The following ASIC2 variants were observed in gnomAD, a reference collection of about 807,000 sequenced individuals.
ASIC2 encodes acid-sensing ion channel 2.
Under a neutral mutation model 57.3 loss-of-function variants are expected in ASIC2, and 25 were observed. The observed-to-expected ratio is 0.44, with a 90% CI of 0.32 to 0.61. The LOEUF is 0.61. ASIC2 is among the 20% of genes least tolerant of loss of function. The pLI is 0.06. For missense variants in ASIC2, 641 were observed against 738.1 expected (o/e 0.87, Z 1.52); for synonymous variants, 319 against 307.5 (o/e 1.04, Z -0.39).
At chr17:34,105,616 C>T (rs1246338144) in intron 1 of ASIC2, among the ~76,000 whole-genome samples, 1 of 151,000 alleles carries the variant, frequency 6.6e-6, no homozygotes, top group Non-Finnish European at 1.5e-5. Flanking sequence ...TAGCTTCATC[C>T]CTTGCTTGTT....
At chr17:33,882,520 C>T (rs1373207714) in intron 1 of ASIC2, among the ~76,000 whole-genome samples, 3 of 152,126 alleles carry the variant, frequency 2.0e-5, no homozygotes, top group African/African-American at 4.8e-5. Context: ...ATGCTCATCA[C>T]CACTGGCCAT....
intron 1 of ASIC2, among the ~76,000 whole-genome samples, chr17:33,320,057 T>C (rs1025024266): frequency 6.6e-6 from 1 of 152,060 alleles, no homozygotes; most frequent in Non-Finnish European, 1.5e-5. Flanking sequence ...ATGAGTCTAA[T>C]AAGGAGCTCG....
intron 1 of ASIC2, among the ~76,000 whole-genome samples, chr17:33,480,964 G>A (rs907085313): frequency 6.6e-5 from 10 of 152,098 alleles, no homozygotes; most frequent in African/African-American, 2.4e-4. Flanking sequence ...AAGATGCTCA[G>A]TTCTTGACCT....
intron 1 of ASIC2, among the ~76,000 whole-genome samples, chr17:33,723,657 A>G (rs543509554): frequency 6.6e-6 from 1 of 152,212 alleles, no homozygotes; most frequent in Non-Finnish European, 1.5e-5. Context: ...TAAGGTTAAA[A>G]ACAGGCAGAA....
chr17:33,608,372 A>G (rs1007954866), intron 1 of ASIC2, among the ~76,000 whole-genome samples: 2 of 152,116 alleles, frequency 1.3e-5, no homozygotes, highest in African/African-American at 4.8e-5. Context: ...TAAGGCCTAG[A>G]GTTCATATAA....
At chr17:33,194,491 C>G (rs775952658) in intron 1 of ASIC2, among the ~76,000 whole-genome samples, 3 of 152,202 alleles carry the variant, frequency 2.0e-5, no homozygotes, top group African/African-American at 7.2e-5. Context: ...AGGAAAAATA[C>G]AGCACCTGTG....
chr17:33,573,913 C>T (rs1449851011), intron 1 of ASIC2, among the ~76,000 whole-genome samples: 1 of 152,138 alleles, frequency 6.6e-6, no homozygotes, highest in Non-Finnish European at 1.5e-5. Context: ...CTTCAGAATC[C>T]ACTGTAACTT....
chr17:34,076,276 A>AT (rs1241402230), intron 1 of ASIC2, among the ~76,000 whole-genome samples: 1 of 152,120 alleles, frequency 6.6e-6, no homozygotes, highest in Non-Finnish European at 1.5e-5. Context: ...AAGTGCTGGG[A>AT]TTACAGCTGT....
chr17:33,404,340 C>A (rs1910391705), intron 1 of ASIC2, among the ~76,000 whole-genome samples: 1 of 152,080 alleles, frequency 6.6e-6, no homozygotes, highest in Admixed American at 6.5e-5. Flanking sequence ...AATTGTATCT[C>A]AATAAAGCCG....
chr17:34,072,390 T>A (rs1035731713), intron 1 of ASIC2: 1 of 152,172 alleles, frequency 6.6e-6, no homozygotes, highest in Non-Finnish European at 1.5e-5. Context: ...TGAAGAAGGC[T>A]GTATTTCCCC....
chr17:33,908,076 T>C (rs1392114399), intron 1 of ASIC2, among the ~76,000 whole-genome samples: 28 of 152,214 alleles, frequency 1.8e-4, no homozygotes, highest in Admixed American at 1.8e-3. Context: ...CCCATTATCT[T>C]ATTTCCTCCT....
chr17:33,594,101 C>T (rs759515949), intron 1 of ASIC2, among the ~76,000 whole-genome samples: 12 of 152,350 alleles, frequency 7.9e-5, no homozygotes, highest in East Asian at 1.9e-4. Flanking sequence ...TCTTAGCTCG[C>T]GTTTCCTACA....
intron 1 of ASIC2, among the ~76,000 whole-genome samples, chr17:33,956,613 C>T (rs1162476310): frequency 6.6e-6 from 1 of 152,188 alleles, no homozygotes; most frequent in Non-Finnish European, 1.5e-5. Flanking sequence ...ACCAGGGAGA[C>T]ATTTCTCAGC....
intron 1 of ASIC2, among the ~76,000 whole-genome samples, chr17:33,902,333 G>A (rs368866947): frequency 6.6e-6 from 1 of 152,140 alleles, no homozygotes; most frequent in African/African-American, 2.4e-5. Flanking sequence ...AACCAACAGA[G>A]CACCTAGAAG....
intron 1 of ASIC2, among the ~76,000 whole-genome samples, chr17:33,951,499 C>T (rs565701733): frequency 1.3e-5 from 2 of 152,270 alleles, no homozygotes; most frequent in South Asian, 4.2e-4. Flanking sequence ...GAAAGCAGGG[C>T]CACTGAGATG....
intron 1 of ASIC2, among the ~76,000 whole-genome samples, chr17:33,488,739 C>T (rs886699066): frequency 6.6e-6 from 1 of 152,174 alleles, no homozygotes; most frequent in African/African-American, 2.4e-5. Flanking sequence ...GCCTTTAGCT[C>T]AGAACAGCCC....
rs774620304 is a variant in ASIC2 at position 33,013,774 on chromosome 17, G to A, written c.*191C>T. Reference sequence around the variant, plus strand: ...CTCATCTCTCCTAAGAGGGACGCACGGCGGGGCCCAAGGATGCGTCGTGTT... The same window carrying A: ...CTCATCTCTCCTAAGAGGGACGCACAGCGGGGCCCAAGGATGCGTCGTGTT... On this transcript the variant is annotated 3_prime_UTR_variant, in exon 10 of 10. Transcript: ENST00000225823. 8.3e-5 allele frequency: 51 copies of A among 614,230 alleles called. No individual in the cohort carries two copies. The highest frequency in any genetic ancestry group is 1.3e-4 in the Non-Finnish European group (45 of 341,668). 38.0% of individuals were successfully genotyped at this position (614,230 alleles called of 1,614,324 possible).
rs532438965 is a variant in ASIC2 at position 33,383,816 on chromosome 17, T to C, written c.556-271749A>G. Among the ~76,000 whole-genome samples the C allele has an allele frequency of 2.0e-5, 3 of 152,280 alleles. No individual in the cohort carries two copies. The East Asian group carries it at 5.8e-4, about 29-fold the overall frequency. ...GAATCAGGATCCAAAATGATCGCAA[T>C]AAGCTGGAACAAAGGGTCAACCAAT... On this transcript the variant is annotated intron_variant, in intron 1 of 9. Transcript: ENST00000359872.
intron 1 of ASIC2, among the ~76,000 whole-genome samples, chr17:34,128,857 A>T (rs944067147): frequency 1.3e-5 from 2 of 152,024 alleles, no homozygotes; most frequent in African/African-American, 2.4e-5. Context: ...CCTCCTGGGG[A>T]GCTTTAAAAG....
Sources: gnomAD v4.1 joint callset for allele counts (sites outside exome capture counted in the v4.1 genomes callset) on GRCh38, gnomAD v4.1.1 for gene constraint, MANE v1.5 for transcripts, NCBI Gene and HGNC (gene_info 2026-07-23, HGNC 2026-07-21) for gene names.